Variants in CNTN1 observed in about 807,000 individuals in gnomAD.
CNTN1 encodes contactin-1.
In CNTN1, 38 loss-of-function variants were observed where a neutral mutation model predicts 126.4. That is an observed-to-expected ratio of 0.30 (90% CI 0.23 to 0.39). The LOEUF (loss-of-function observed/expected upper bound fraction) is 0.39. Ranked by LOEUF, CNTN1 falls within the 10% of genes least tolerant of loss-of-function variation. The pLI is 1.00. For synonymous variants in CNTN1, 413 were observed against 422.6 expected (o/e 0.98, Z 0.28); for missense variants, 1,009 against 1,248.4 (o/e 0.81, Z 2.89).
At chr12:40,696,967 C>A (rs1195229188) in intron 1 of CNTN1, among the ~76,000 whole-genome samples, 2 of 152,216 alleles carry the variant, frequency 1.3e-5, no homozygotes, top group South Asian at 2.1e-4. Flanking sequence ...ACTTAATATA[C>A]CATAAACATT....
intron 16 of CNTN1, among the ~76,000 whole-genome samples, chr12:40,992,421 A>G (rs1305528626): frequency 1.3e-5 from 2 of 152,256 alleles, no homozygotes; most frequent in East Asian, 3.9e-4. Context: ...AAACTCGTGG[A>G]AATATTTGAG....
intron 1 of CNTN1, among the ~76,000 whole-genome samples, chr12:40,696,112 G>C (rs1317863899): frequency 6.6e-6 from 1 of 152,174 alleles, no homozygotes; most frequent in Non-Finnish European, 1.5e-5. Context: ...TCAAAATAAG[G>C]TTTGGCCCAT....
At chr12:40,703,793 G>A (rs1941661952) in intron 1 of CNTN1, among the ~76,000 whole-genome samples, 1 of 8,152 alleles carries the variant, frequency 1.2e-4, no homozygotes, top group Admixed American at 1.7e-3. Context: ...TATTGTTGGT[G>A]AGAGGAGGGA....
intron 1 of CNTN1, among the ~76,000 whole-genome samples, chr12:40,726,478 G>T (rs542537101): frequency 6.6e-6 from 1 of 152,222 alleles, no homozygotes; most frequent in Non-Finnish European, 1.5e-5. Context: ...GATGGACTGA[G>T]TGCAAGCAGG....
chr12:40,842,356 A>G (rs947258658), intron 1 of CNTN1, among the ~76,000 whole-genome samples: 3 of 152,106 alleles, frequency 2.0e-5, no homozygotes, highest in Non-Finnish European at 4.4e-5. Context: ...GTAGTTAACA[A>G]TAATTTACGG....
intron 1 of CNTN1, among the ~76,000 whole-genome samples, chr12:40,799,185 A>G (rs1004200627): frequency 6.6e-6 from 1 of 151,114 alleles, no homozygotes; most frequent in Non-Finnish European, 1.5e-5. Flanking sequence ...GCTTGATAAT[A>G]TATATAATAA....
At chr12:40,697,392 T>C (rs1391413748) in intron 1 of CNTN1, among the ~76,000 whole-genome samples, 1 of 152,268 alleles carries the variant, frequency 6.6e-6, no homozygotes, top group Non-Finnish European at 1.5e-5. Context: ...AGGTTCTTTG[T>C]ATTTTTTAAT....
chr12:41,009,388 A>T (rs1310991563), intron 17 of CNTN1, among the ~76,000 whole-genome samples: 1 of 152,162 alleles, frequency 6.6e-6, no homozygotes, highest in African/African-American at 2.4e-5. Context: ...GGCTTCTGGG[A>T]CCAGTAGAGC....
chr12:40,860,743 C>G lies in CNTN1; in HGVS notation c.-76-47614C>G, dbSNP rs923557074. On this transcript the variant is annotated intron_variant, in intron 1 of 23. Coordinates refer to ENST00000551295, the MANE Select transcript of CNTN1 (RefSeq NM_001843.4). ...CTCTCCCAGTAACTCCATGTGTTCG[C>G]CAACATGGAAGCTCTGCAAACCCCA... Among the ~76,000 whole-genome samples the G allele has an allele frequency of 4.6e-5, 7 of 152,198 alleles. No homozygotes were observed. In the South Asian group the frequency reaches 6.2e-4, roughly 14 times the overall value.
chr12:40,714,266 TGAA>T (rs1941995004), intron 1 of CNTN1, among the ~76,000 whole-genome samples: 1 of 152,050 alleles, frequency 6.6e-6, no homozygotes, highest in Non-Finnish European at 1.5e-5. Context: ...GGGCACTTCA[TGAA>T]GAAAAGTGGA....
chr12:40,861,514 G>C (rs937695441), intron 1 of CNTN1, among the ~76,000 whole-genome samples: 1 of 151,784 alleles, frequency 6.6e-6, no homozygotes, highest in Non-Finnish European at 1.5e-5. Flanking sequence ...CTTTCTCTTT[G>C]ATTTTTTTTT....
At position 40,705,185 on chromosome 12, in the gene CNTN1, C is replaced by T. The variant is rs758808785; in HGVS notation, c.-77+12593C>T. Among the ~76,000 whole-genome samples the T allele has an allele frequency of 5.9e-5, 9 of 152,214 alleles. No individual in the cohort carries two copies. The South Asian group carries it at 1.0e-3, about 18-fold the overall frequency. ...AGCATCCAAAAACAGTGGTATTTCT[C>T]GAAGCTAATGATTGCCTATTATTTG... On this transcript the variant is annotated intron_variant, in intron 1 of 23. Transcript: ENST00000551295.
At chr12:40,903,598 G>C (rs1944694728) in intron 1 of CNTN1, among the ~76,000 whole-genome samples, 1 of 152,022 alleles carries the variant, frequency 6.6e-6, no homozygotes, top group South Asian at 2.1e-4. Context: ...CAAATGATGG[G>C]ATAACTGGTG....
At chr12:41,053,084 A>G (rs1358197167) in intron 23 of CNTN1, among the ~76,000 whole-genome samples, 1 of 151,628 alleles carries the variant, frequency 6.6e-6, no homozygotes, top group Non-Finnish European at 1.5e-5. Context: ...GCAGAAGTCT[A>G]AAATATAAAG....
chr12:40,753,232 A>G (rs1397237667), intron 1 of CNTN1, among the ~76,000 whole-genome samples: 1 of 152,090 alleles, frequency 6.6e-6, no homozygotes, highest in Non-Finnish European at 1.5e-5. Flanking sequence ...CATCTTCTTC[A>G]TCTTCACTAT....
Position 40,812,160 on chromosome 12 carries a change from G to A in CNTN1, c.-76-96197G>A, listed in dbSNP as rs1941089082. On this transcript the variant is annotated intron_variant, in intron 1 of 23. Coordinates refer to ENST00000551295, the MANE Select transcript of CNTN1 (RefSeq NM_001843.4). ...TTTCTTTGACTCATTGGTTATTCAG[G>A]AGCATATTGTTTAATTTCCACATGT... is the stretch of plus-strand genomic sequence containing the variant. Among the ~76,000 whole-genome samples the A allele has an allele frequency of 3.3e-5, 5 of 151,670 alleles. No individual in the cohort carries two copies. In the South Asian group the frequency reaches 1.0e-3, roughly 32 times the overall value.
chr12:41,002,954 G>T (rs1948402228), intron 17 of CNTN1, among the ~76,000 whole-genome samples: 1 of 152,080 alleles, frequency 6.6e-6, no homozygotes, highest in Admixed American at 6.5e-5. Context: ...TTGCCTGATT[G>T]CCCTGGCTAG....
chr12:41,013,306 A>C (rs909440996), intron 17 of CNTN1, among the ~76,000 whole-genome samples: 2 of 152,238 alleles, frequency 1.3e-5, no homozygotes, highest in Admixed American at 1.3e-4. Flanking sequence ...TGTAGTCCAT[A>C]GTTCCTGCCG....
intron 1 of CNTN1, among the ~76,000 whole-genome samples, chr12:40,857,756 T>C (rs1942964824): frequency 6.6e-6 from 1 of 152,158 alleles, no homozygotes; most frequent in African/African-American, 2.4e-5. Context: ...TACAAAAAGC[T>C]GAGCTCTGCA....
Sources: gnomAD v4.1 joint callset for allele counts (sites outside exome capture counted in the v4.1 genomes callset) on GRCh38, gnomAD v4.1.1 for gene constraint, MANE v1.5 for transcripts, NCBI Gene and HGNC (gene_info 2026-07-23, HGNC 2026-07-21) for gene names.